DSCAM: variants seen among roughly 807,000 people sequenced by gnomAD.
DSCAM encodes the protein cell adhesion molecule DSCAM.
A neutral mutation model predicts 217.7 loss-of-function variants in DSCAM; 47 were observed. The ratio of observed to expected loss-of-function variants is 0.22; its 90% confidence interval spans 0.17 to 0.28. The LOEUF is 0.28. Ranked by LOEUF, DSCAM falls within the 10% of genes least tolerant of loss-of-function variation. The probability of loss-of-function intolerance (pLI) is 1.00; values close to 1 mark genes in which losing one functional copy is unlikely to be tolerated. For missense variants in DSCAM, 2,080 were observed against 2,618.3 expected (o/e 0.79, Z 4.49); for synonymous variants, 1,056 against 1,015.3 (o/e 1.04, Z -0.76).
intron 3 of DSCAM, among the ~76,000 whole-genome samples, chr21:40,558,074 T>G (rs11088523): frequency 0.45 from 68,557 of 152,024 alleles, 16,741 homozygotes; most frequent in Admixed American, 0.55. Flanking sequence ...ATAACTAGTA[T>G]CCAAGGATCA....
At chr21:40,602,951 A>G (rs1160654096) in intron 3 of DSCAM, among the ~76,000 whole-genome samples, 1 of 87,580 alleles carries the variant, frequency 1.1e-5, no homozygotes, top group Non-Finnish European at 2.2e-5. Context: ...TTTCTTTTCT[A>G]ATCTATGCAT....
chr21:40,799,809 T>A (rs2091723378), intron 1 of DSCAM, among the ~76,000 whole-genome samples: 1 of 152,218 alleles, frequency 6.6e-6, no homozygotes, highest in Admixed American at 6.5e-5. Context: ...CAAAATAATC[T>A]TCTAATCTCA....
chr21:40,188,325 C>T (rs2090917796), intron 12 of DSCAM, among the ~76,000 whole-genome samples: 1 of 152,200 alleles, frequency 6.6e-6, no homozygotes, highest in Non-Finnish European at 1.5e-5. Context: ...ATATATCCCA[C>T]ATATACATTT....
At chr21:40,254,553 T>C (rs1358140246) in intron 11 of DSCAM, among the ~76,000 whole-genome samples, 1 of 152,162 alleles carries the variant, frequency 6.6e-6, no homozygotes, top group Non-Finnish European at 1.5e-5. Flanking sequence ...TCCAGAAAAC[T>C]GAGGTACATT....
intron 5 of DSCAM, among the ~76,000 whole-genome samples, chr21:40,350,546 TCA>T (rs2123638254): frequency 6.6e-6 from 1 of 152,274 alleles, no homozygotes; most frequent in Admixed American, 6.5e-5. Flanking sequence ...TTCAAGGAGC[TCA>T]GTCTTCTAGG....
intron 20 of DSCAM, among the ~76,000 whole-genome samples, chr21:40,122,032 C>T (rs892192654): frequency 6.6e-6 from 1 of 152,058 alleles, no homozygotes; most frequent in African/African-American, 2.4e-5. Context: ...TTGTTAAGAT[C>T]CTGGGCAGGT....
chr21:40,620,309 AG>A (rs2089486124), intron 3 of DSCAM, among the ~76,000 whole-genome samples: 2 of 146,012 alleles, frequency 1.4e-5, no homozygotes, highest in African/African-American at 2.5e-5. Context: ...AAAGAAAGAG[AG>A]AGAGAAAGAG....
intron 3 of DSCAM, among the ~76,000 whole-genome samples, chr21:40,657,077 C>T (rs2090084691): frequency 6.6e-6 from 1 of 152,136 alleles, no homozygotes; most frequent in Non-Finnish European, 1.5e-5. Flanking sequence ...TCAGATTCCC[C>T]ATTATAGAAA....
intron 18 of DSCAM, among the ~76,000 whole-genome samples, chr21:40,138,679 TGTGTG>T (rs1300672506): frequency 7.3e-6 from 1 of 136,292 alleles, no homozygotes; most frequent in Non-Finnish European, 1.5e-5. Context: ...ATGTGGTGTA[TGTGTG>T]GTGTGGTGTG....
intron 1 of DSCAM, among the ~76,000 whole-genome samples, chr21:40,724,478 G>T (rs1601174931): frequency 6.6e-6 from 1 of 152,170 alleles, no homozygotes; most frequent in African/African-American, 2.4e-5. Context: ...CAGATTAAGA[G>T]GCAAAGAGTT....
chr21:40,423,343 C>A (rs1426280773), intron 3 of DSCAM, among the ~76,000 whole-genome samples: 1 of 149,106 alleles, frequency 6.7e-6, no homozygotes, highest in Admixed American at 6.6e-5. Context: ...GACTCATTAT[C>A]CACAACGAGA....
At chr21:40,310,093 G>T (rs993353146) in intron 9 of DSCAM, among the ~76,000 whole-genome samples, 4 of 152,198 alleles carry the variant, frequency 2.6e-5, no homozygotes, top group African/African-American at 9.7e-5. Flanking sequence ...CACCTCCAAA[G>T]ATGGTTATTT....
chr21:40,576,769 T>C (rs554906044), intron 3 of DSCAM, among the ~76,000 whole-genome samples: 2 of 151,956 alleles, frequency 1.3e-5, no homozygotes, highest in African/African-American at 2.4e-5. Flanking sequence ...AAGATATAAA[T>C]GCGCAATTTT....
chr21:40,718,943 T>C (rs938166857), intron 1 of DSCAM, among the ~76,000 whole-genome samples: 38 of 149,808 alleles, frequency 2.5e-4, no homozygotes, highest in Admixed American at 7.3e-4. Context: ...CTGGGGAACA[T>C]AGCAAGACTC....
intron 3 of DSCAM, among the ~76,000 whole-genome samples, chr21:40,425,539 CT>C (rs145463868): frequency 0.03 from 4,317 of 144,948 alleles, 157 homozygotes; most frequent in East Asian, 0.17. Context: ...TTACCCCCCC[CT>C]AAAAAAAAAA....
At chr21:40,104,103 C>A (rs540122060) in intron 20 of DSCAM, among the ~76,000 whole-genome samples, 9 of 152,228 alleles carry the variant, frequency 5.9e-5, no homozygotes, top group African/African-American at 2.2e-4. Context: ...CTCTTTCCAA[C>A]CGATATAATC....
chr21:40,459,727 A>G (rs190762100), intron 3 of DSCAM, among the ~76,000 whole-genome samples: 2 of 152,310 alleles, frequency 1.3e-5, no homozygotes, highest in African/African-American at 2.4e-5. Flanking sequence ...CTAGCAAAAT[A>G]TGAAAGATAT....
intron 3 of DSCAM, among the ~76,000 whole-genome samples, chr21:40,382,620 T>TA: frequency 6.6e-6 from 1 of 152,336 alleles, no homozygotes; most frequent in Middle Eastern, 3.4e-3. Context: ...TATGTATACT[T>TA]ACAAGAACAC....
At chr21:40,338,031 C>G (rs2123586020) in intron 8 of DSCAM, 70 bp downstream of exon 8, 1 of 1,569,024 alleles carries the variant, frequency 6.4e-7, no homozygotes, top group East Asian at 2.2e-5. Context: ...TACCCGACTT[C>G]AAATCATTGG....
Sources: allele counts gnomAD v4.1 joint callset (sites outside exome capture counted in the v4.1 genomes callset), GRCh38; gene constraint gnomAD v4.1.1; transcripts MANE v1.5; gene names NCBI Gene and HGNC (gene_info 2026-07-23, HGNC 2026-07-21).